The following SAMD3 variants were observed in gnomAD, a reference collection of about 807,000 sequenced individuals.
The protein encoded by SAMD3 is sterile alpha motif domain containing 3.
In SAMD3, 63 loss-of-function variants were observed where a neutral mutation model predicts 58.5. The observed-to-expected ratio is 1.08, with a 90% CI of 0.88 to 1.33. The LOEUF (loss-of-function observed/expected upper bound fraction) is 1.33, where lower values mean the gene tolerates loss of function less well. Ranked by LOEUF, SAMD3 falls within the 40% of genes most tolerant of loss-of-function variation. The probability of loss-of-function intolerance (pLI) is 0.00; values close to 1 mark genes in which losing one functional copy is unlikely to be tolerated. For missense variants in SAMD3, 604 were observed against 608.4 expected, an observed-to-expected ratio of 0.99 and a Z score of 0.08; for synonymous variants, 220 against 210.3, an observed-to-expected ratio of 1.05 and a Z score of -0.40.
At chr6:130,293,649 C>T (rs1188350515) in intron 2 of SAMD3, among the ~76,000 whole-genome samples, 2 of 149,908 alleles carry the variant, frequency 1.3e-5, no homozygotes, top group East Asian at 2.0e-4. Flanking sequence ...AAAAACCAGT[C>T]CTGAAAGATG....
chr6:130,288,525 C>T (rs1440744327), intron 2 of SAMD3, among the ~76,000 whole-genome samples: 2 of 152,148 alleles, frequency 1.3e-5, no homozygotes, highest in Non-Finnish European at 2.9e-5. Flanking sequence ...CATAGCCTAG[C>T]CAAGGTAACA....
intron 8 of SAMD3, among the ~76,000 whole-genome samples, chr6:130,174,060 A>T (rs1374887110): frequency 2.6e-5 from 4 of 152,178 alleles, no homozygotes; most frequent in African/African-American, 4.8e-5. Context: ...TCAACTTCAG[A>T]CTGCTGTGCT....
At chr6:130,284,743 A>C (rs1775098626) in intron 2 of SAMD3, among the ~76,000 whole-genome samples, 1 of 152,186 alleles carries the variant, frequency 6.6e-6, no homozygotes, top group South Asian at 2.1e-4. Flanking sequence ...TAAAGAATGC[A>C]CTCGGAGAGG....
At position 130,197,806 on chromosome 6, in the gene SAMD3, T is replaced by C. The variant is rs558859191; in HGVS notation, c.383+11689A>G. On this transcript the variant is annotated intron_variant, in intron 5 of 11. Transcript: ENST00000439090. ...TTTCATTTTATTTTTCTTATTAATA[T>C]AAGAAGATAGGAATATCAGGCCTCT... Among the ~76,000 whole-genome samples, 22 of 152,282 alleles carry C rather than the reference T, an allele frequency of 1.4e-4. 1 individual carries two copies. The highest frequency in any genetic ancestry group is 5.3e-4 in the African/African-American group (22 of 41,546).
At chr6:130,225,579 T>A (rs950403737), upstream of SAMD3, among the ~76,000 whole-genome samples, 2 of 152,204 alleles carry the variant, frequency 1.3e-5, no homozygotes, top group Admixed American at 6.5e-5. Context: ...GCTTTCCTCT[T>A]TAGATTGTTC....
chr6:130,260,140 A>G (rs1200635036), intron 2 of SAMD3, among the ~76,000 whole-genome samples: 1 of 152,144 alleles, frequency 6.6e-6, no homozygotes, highest in Non-Finnish European at 1.5e-5. Context: ...ATAGAGACAG[A>G]CCCTCTCATA....
At chr6:130,325,705 A>G (rs1776734690) in intron 1 of SAMD3, among the ~76,000 whole-genome samples, 2 of 152,202 alleles carry the variant, frequency 1.3e-5, no homozygotes, top group African/African-American at 4.8e-5. Flanking sequence ...CACGCTGTGT[A>G]TGATTTATGT....
intron 3 of SAMD3, 34 bp downstream of exon 3, chr6:130,215,161 C>T (rs772970817): frequency 8.8e-7 from 1 of 1,131,282 alleles, no homozygotes; most frequent in African/African-American, 1.5e-5. Context: ...CTAGGCTGCT[C>T]AATTAAAATT....
intron 1 of SAMD3, among the ~76,000 whole-genome samples, chr6:130,351,901 A>C (rs1321668875): frequency 3.9e-5 from 6 of 152,148 alleles, no homozygotes; most frequent in African/African-American, 1.4e-4. Context: ...TGATGAGTTC[A>C]TGTCCTTTGT....
At chr6:130,328,915 A>C (rs1028386985) in intron 1 of SAMD3, among the ~76,000 whole-genome samples, 3 of 152,216 alleles carry the variant, frequency 2.0e-5, no homozygotes, top group Non-Finnish European at 4.4e-5. Flanking sequence ...GTATAAAGGA[A>C]AAATGGCAGA....
chr6:130,292,600 T>TTTTGTTTG (rs139764816), intron 2 of SAMD3, among the ~76,000 whole-genome samples: 4 of 136,790 alleles, frequency 2.9e-5, no homozygotes, highest in Middle Eastern at 4.5e-3. Context: ...AACAACTCTT[T>TTTTGTTTG]TTTGTTTGTT....
intron 1 of SAMD3, among the ~76,000 whole-genome samples, chr6:130,357,118 CTTT>C (rs1169066063): frequency 7.1e-3 from 648 of 91,644 alleles, no homozygotes; most frequent in African/African-American, 0.026. Context: ...GCCATGGCAT[CTTT>C]TTTTTTTTTT....
At chr6:130,232,330 T>C (rs193206704) in intron 2 of SAMD3, among the ~76,000 whole-genome samples, 1 of 152,274 alleles carries the variant, frequency 6.6e-6, no homozygotes, top group Admixed American at 6.5e-5. Context: ...TACTCAGATT[T>C]TGAGAGTTCC....
intron 8 of SAMD3, among the ~76,000 whole-genome samples, chr6:130,170,289 C>T (rs753569310): frequency 8.5e-5 from 13 of 152,140 alleles, no homozygotes; most frequent in Non-Finnish European, 1.5e-4. Context: ...AATGAGAACA[C>T]GTGGTGTGTT....
Position 130,304,926 on chromosome 6 carries a change from CTTTTTTTTTT to C in SAMD3, c.-188+8042_-188+8051del, listed in dbSNP as rs777084920. Among the ~76,000 whole-genome samples the C allele has an allele frequency of 4.9e-3, 502 of 103,394 alleles. 3 individuals are homozygous for C. Among genetic ancestry groups the C allele is most frequent in the African/African-American group, 0.018 (465 of 25,350 alleles). The allele number at this position is 103,394 out of a possible 152,430, so 67.8% of individuals were successfully genotyped here. A position where few individuals can be genotyped will look rare whatever the true frequency, so the allele number is the denominator to read the frequency against. On this transcript the variant is annotated intron_variant, in intron 2 of 13. Coordinates refer to the SAMD3 transcript ENST00000368134. ...TAAACACTAAAATTACATTTTCTTC[CTTTTTTTTTT>C]TTTTTTTTTTTTTTTTGAGACAGAG...
intron 8 of SAMD3, among the ~76,000 whole-genome samples, chr6:130,174,417 G>C (rs1282074109): frequency 1.3e-5 from 2 of 152,270 alleles, no homozygotes; most frequent in Non-Finnish European, 2.9e-5. Flanking sequence ...TGGGGAAGGA[G>C]GTCCCTGGCT....
intron 8 of SAMD3, among the ~76,000 whole-genome samples, chr6:130,156,033 A>C (rs1789749281): frequency 6.6e-6 from 1 of 152,056 alleles, no homozygotes; most frequent in African/African-American, 2.4e-5. Context: ...ATTTATGCAA[A>C]ATTTTTCAAG....
rs74712602 is a variant in SAMD3 at position 130,237,550 on chromosome 6, C to T, written c.-187-14737G>A. Reference sequence around the variant, plus strand: ...TAAGGGTCAGATTTTTTTTTTACTGCTTTAAAATGTCTAATAATTAATTAA... The same window carrying T: ...TAAGGGTCAGATTTTTTTTTTACTGTTTTAAAATGTCTAATAATTAATTAA... On this transcript the variant is annotated intron_variant, in intron 2 of 13. Coordinates refer to the SAMD3 transcript ENST00000368134. Among the ~76,000 whole-genome samples the T allele has an allele frequency of 2.9e-3, 441 of 152,044 alleles. 21 individuals are homozygous for T. The East Asian group carries it at 0.065, about 22-fold the overall frequency.
intron 1 of SAMD3, among the ~76,000 whole-genome samples, chr6:130,356,548 C>G (rs1408372594): frequency 1.3e-5 from 2 of 152,164 alleles, no homozygotes; most frequent in Non-Finnish European, 2.9e-5. Flanking sequence ...TTATCTGCCC[C>G]TCCGGCATCT....
Sources: allele counts gnomAD v4.1 joint callset (sites outside exome capture counted in the v4.1 genomes callset), GRCh38; gene constraint gnomAD v4.1.1; transcripts MANE v1.5; gene names NCBI Gene and HGNC (gene_info 2026-07-23, HGNC 2026-07-21).